DCDC2C: variants seen among roughly 807,000 people sequenced by gnomAD.
DCDC2C encodes doublecortin domain-containing protein 2C.
A neutral mutation model predicts 45.0 loss-of-function variants in DCDC2C; 44 were observed. The ratio of observed to expected loss-of-function variants is 0.98; its 90% CI spans 0.77 to 1.26. DCDC2C has a LOEUF of 1.26. Among genes scored for constraint, DCDC2C ranks in the 50% most tolerant of loss-of-function variants. The pLI is 0.00. For synonymous variants in DCDC2C, 187 were observed against 178.8 expected, an observed-to-expected ratio of 1.05 and a Z score of -0.37; for missense variants, 447 against 468.9, an observed-to-expected ratio of 0.95 and a Z score of 0.43.
intron 6 of DCDC2C, among the ~76,000 whole-genome samples, chr2:3,763,203 C>T (rs969559195): frequency 1.3e-5 from 2 of 152,172 alleles, no homozygotes; most frequent in African/African-American, 2.4e-5. Context: ...GAGCACTGGC[C>T]GACTGCCAGC....
intron 3 of DCDC2C, among the ~76,000 whole-genome samples, chr2:3,730,844 T>C (rs1178711494): frequency 1.3e-5 from 2 of 152,232 alleles, no homozygotes; most frequent in Admixed American, 6.5e-5. Flanking sequence ...TCCAGTGGTA[T>C]ACTGAGTTGA....
intron 10 of DCDC2C, among the ~76,000 whole-genome samples, chr2:3,833,277 T>A (rs1014541756): frequency 4.6e-5 from 7 of 152,206 alleles, no homozygotes; most frequent in African/African-American, 9.6e-5. Flanking sequence ...GCAACCTGAT[T>A]CCCCTTTGCC....
chr2:3,764,238 A>G (rs1669959104), intron 6 of DCDC2C, among the ~76,000 whole-genome samples: 1 of 152,226 alleles, frequency 6.6e-6, no homozygotes, highest in Admixed American at 6.5e-5. Flanking sequence ...AGTAAGTGCA[A>G]TACTAGGATT....
rs1166532273 is a variant in DCDC2C at position 3,761,404 on chromosome 2, A to C, written c.727-6350A>C. Among the ~76,000 whole-genome samples, 6 of 152,172 alleles carry C rather than the reference A, an allele frequency of 3.9e-5. No homozygotes were observed. The highest frequency in any genetic ancestry group is 1.5e-5 in the Non-Finnish European group (1 of 68,026). On this transcript the variant is annotated intron_variant, in intron 6 of 10. Coordinates refer to ENST00000399143, the MANE Select transcript of DCDC2C (RefSeq NM_001287444.2). This position sits in a 1 kb window ranked among gnomAD's most constrained non-coding sequence, Gnocchi z 4.3. ...GTGTGTGTGCGTGTGTGTGTGCGTG[A>C]AAACAGTTGCAGAGGCATGTGCATA...
chr2:3,819,744 G>A (rs1671641669), intron 10 of DCDC2C, among the ~76,000 whole-genome samples: 1 of 152,172 alleles, frequency 6.6e-6, no homozygotes, highest in Non-Finnish European at 1.5e-5. Flanking sequence ...TTACTGATTT[G>A]GGAGAGATAG....
At chr2:3,809,776 T>C (rs1671345650) in intron 10 of DCDC2C, among the ~76,000 whole-genome samples, 1 of 152,162 alleles carries the variant, frequency 6.6e-6, no homozygotes, top group Non-Finnish European at 1.5e-5. Flanking sequence ...TGATGTGTGT[T>C]GTTCCCCTCT....
At chr2:3,764,263 T>C (rs1669959644) in intron 6 of DCDC2C, among the ~76,000 whole-genome samples, 1 of 152,248 alleles carries the variant, frequency 6.6e-6, no homozygotes, top group East Asian at 1.9e-4. Context: ...ATGATTCAAT[T>C]TGTAAGGTCC....
intron 10 of DCDC2C, among the ~76,000 whole-genome samples, chr2:3,829,924 G>C (rs889598720): frequency 6.6e-6 from 1 of 152,202 alleles, no homozygotes; most frequent in African/African-American, 2.4e-5. Flanking sequence ...GTCAGTGTCA[G>C]CTTCTGAAGC....
At position 3,705,170 on chromosome 2, in the gene DCDC2C, A is replaced by G. The variant is rs549839899; in HGVS notation, c.287+1132A>G. Among the ~76,000 whole-genome samples, 73 of 152,332 alleles carry G rather than the reference A, an allele frequency of 4.8e-4. No homozygotes were observed. In the South Asian group the frequency reaches 0.015, roughly 31 times the overall value. On this transcript the variant is annotated intron_variant, in intron 1 of 10. Transcript: ENST00000399143. ...TTTTGAAAAAGTAGTAGGATTTAGT[A>G]TGAGGGCTGGTGTATGGTTCCAAAT...
chr2:3,797,859 G>A (rs1671005710), intron 10 of DCDC2C, among the ~76,000 whole-genome samples: 1 of 148,590 alleles, frequency 6.7e-6, no homozygotes, highest in Admixed American at 6.8e-5. Context: ...GATTTGGGGT[G>A]GAGAGTTCTG....
chr2:3,800,292 C>T (rs889665489), intron 10 of DCDC2C, among the ~76,000 whole-genome samples: 5 of 152,162 alleles, frequency 3.3e-5, no homozygotes, highest in Non-Finnish European at 5.9e-5. Flanking sequence ...GAGATGAACC[C>T]GGTACCTCAG....
intron 9 of DCDC2C, among the ~76,000 whole-genome samples, chr2:3,779,141 A>G (rs554467128): frequency 1.6e-4 from 24 of 152,302 alleles, no homozygotes; most frequent in Admixed American, 6.5e-4. Context: ...CCAGTCACAA[A>G]CCTAAAAACT....
rs1278070812 is a variant in DCDC2C at position 3,704,268 on chromosome 2, A to T, written c.287+230A>T. 8 of 385,074 alleles carry T rather than the reference A, an allele frequency of 2.1e-5. No individual in the cohort carries two copies. The East Asian group carries it at 2.7e-4, about 13-fold the overall frequency. The allele number at this position is 385,074 out of a possible 1,614,324, so 23.9% of individuals were successfully genotyped here. On this transcript the variant is annotated intron_variant, in intron 1 of 10. Transcript: ENST00000399143. ...CCCCCAGGGTCCCTTCCTATGGGGCAGGGCGGGCCCTGGCCGGCAGCGATT... is the reference window on the plus strand; with the variant it reads ...CCCCCAGGGTCCCTTCCTATGGGGCTGGGCGGGCCCTGGCCGGCAGCGATT...
chr2:3,749,417 G>A (rs1372859044), intron 4 of DCDC2C, among the ~76,000 whole-genome samples: 1 of 152,154 alleles, frequency 6.6e-6, no homozygotes, highest in Non-Finnish European at 1.5e-5. Flanking sequence ...CGTATGTGAT[G>A]TCCCGGCTCA....
chr2:3,797,459 G>A (rs980340610), intron 10 of DCDC2C, among the ~76,000 whole-genome samples: 2 of 150,356 alleles, frequency 1.3e-5, no homozygotes, highest in Non-Finnish European at 3.0e-5. Flanking sequence ...TAATTGTGAT[G>A]TTAGGGTGTC....
At chr2:3,778,209 A>G (rs760042220) in intron 8 of DCDC2C, among the ~76,000 whole-genome samples, 3 of 152,248 alleles carry the variant, frequency 2.0e-5, no homozygotes, top group Admixed American at 6.5e-5. Flanking sequence ...GCTGCCATGC[A>G]TGTGCAGCAC....
chr2:3,772,021 C>T (rs551591719), intron 8 of DCDC2C, among the ~76,000 whole-genome samples: 53 of 152,310 alleles, frequency 3.5e-4, no homozygotes, highest in African/African-American at 1.2e-3. Flanking sequence ...TTAGCCTGAG[C>T]GTCTCACATG....
chr2:3,729,664 A>G (rs899043914), intron 3 of DCDC2C, among the ~76,000 whole-genome samples: 2 of 152,204 alleles, frequency 1.3e-5, no homozygotes, highest in Non-Finnish European at 2.9e-5. Context: ...TGATGCTTGC[A>G]GTTCAAGGGA....
chr2:3,836,826 C>T (rs1426038915), intron 10 of DCDC2C, among the ~76,000 whole-genome samples: 4 of 144,398 alleles, frequency 2.8e-5, no homozygotes, highest in South Asian at 2.2e-4. Flanking sequence ...CGCGCCACTG[C>T]ACTCCAGCCT....
Sources: gnomAD v4.1 joint callset for allele counts (sites outside exome capture counted in the v4.1 genomes callset) on GRCh38, gnomAD v4.1.1 for gene constraint, Gnocchi (gnomAD v3.1) non-coding constraint, MANE v1.5 for transcripts, NCBI Gene and HGNC (gene_info 2026-07-23, HGNC 2026-07-21) for gene names.